The following FER variants were observed in gnomAD, a reference collection of about 807,000 sequenced individuals.
FER encodes FER tyrosine kinase.
A neutral mutation model predicts 111.0 loss-of-function variants in FER; 63 were observed. The ratio of observed to expected loss-of-function variants is 0.57; its 90% CI spans 0.46 to 0.70. The LOEUF is 0.70. Among genes scored for constraint, FER ranks in the 30% least tolerant of loss-of-function variants. The pLI, the probability that FER is intolerant of heterozygous loss-of-function variation, is 0.00. For missense variants in FER, 914 were observed against 954.0 expected (o/e 0.96, Z 0.55); for synonymous variants, 327 against 313.9 (o/e 1.04, Z -0.44).
At chr5:108,837,696 C>G (rs924011761) in intron 5 of FER, among the ~76,000 whole-genome samples, 4 of 151,982 alleles carry the variant, frequency 2.6e-5, no homozygotes, top group African/African-American at 9.7e-5. Context: ...AAAGCAAAAT[C>G]TAATTCTGAT....
At chr5:109,180,128 A>G (rs1029429373) in intron 17 of FER, among the ~76,000 whole-genome samples, 2 of 152,186 alleles carry the variant, frequency 1.3e-5, no homozygotes, top group Non-Finnish European at 2.9e-5. Flanking sequence ...TGGATGGGAT[A>G]TATTAATGAT....
At chr5:109,049,655 T>C (rs1259560741) in intron 16 of FER, among the ~76,000 whole-genome samples, 1 of 152,160 alleles carries the variant, frequency 6.6e-6, no homozygotes, top group African/African-American at 2.4e-5. Context: ...CTACATTACA[T>C]GCAGTGAAGC....
At chr5:109,093,863 G>C (rs569516961) in intron 16 of FER, among the ~76,000 whole-genome samples, 11 of 151,976 alleles carry the variant, frequency 7.2e-5, no homozygotes, top group African/African-American at 2.7e-4. Context: ...GTATTTGAAG[G>C]GTATCCTGGG....
chr5:109,072,020 A>G (rs2149996798), intron 16 of FER, among the ~76,000 whole-genome samples: 1 of 151,902 alleles, frequency 6.6e-6, no homozygotes, highest in Admixed American at 6.6e-5. Flanking sequence ...AATTCTTCAT[A>G]CAGAAATATA....
Position 108,867,785 on chromosome 5 carries a change from C to T in FER, c.500C>T (p.Ala167Val), listed in dbSNP as rs749213003. ...ALAKGKETEKAKERYDKATMK... is the reference protein window; with the variant it reads ...ALAKGKETEKVKERYDKATMK... ...TTTTCAGGGAAGGAAACTGAAAAGG[C>T]CAAGGAACGATACGACAAAGCCACA... Residue 167 changes from alanine (A) to valine (V), a missense_variant, in exon 6 of 20, where the codon GCC becomes GTC. Physicochemically the swap from Ala to Val is moderately conservative, Grantham distance 64. Transcript: ENST00000281092. 3.1e-6 allele frequency: 5 copies of T among 1,608,998 alleles called. No individual in the cohort carries two copies. The highest frequency in any genetic ancestry group is 2.5e-6 in the Non-Finnish European group (3 of 1,178,390).
chr5:109,065,059 T>C (rs533553351), intron 16 of FER, among the ~76,000 whole-genome samples: 83 of 152,296 alleles, frequency 5.4e-4, no homozygotes, highest in South Asian at 1.2e-3. Flanking sequence ...GTGAATTCAA[T>C]TGAAATAAAA....
intron 2 of FER, among the ~76,000 whole-genome samples, chr5:108,796,759 C>G (rs563320501): frequency 2.0e-5 from 3 of 152,058 alleles, no homozygotes; most frequent in African/African-American, 7.2e-5. Context: ...TGGGACTTAC[C>G]CTGCAGGGCA....
In FER at chr5:109,188,704, T is replaced by C. The variant is rs1759143397; in HGVS notation, c.*1129T>C. On this transcript the variant is annotated 3_prime_UTR_variant, in exon 20 of 20. Transcript: ENST00000281092. Reference sequence around the variant, plus strand: ...TTACCAGAAAGGTCCTAAGAAAAGTTTCAGGAGTTCGTAGAGTCCTCGTAA... The same window carrying C: ...TTACCAGAAAGGTCCTAAGAAAAGTCTCAGGAGTTCGTAGAGTCCTCGTAA... The C allele has an allele frequency of 6.6e-6, 1 of 152,188 alleles. No individual in the cohort carries two copies. The allele number at this position is 152,188 out of a possible 1,614,324, so 9.4% of individuals were successfully genotyped here. A position where few individuals can be genotyped will look rare whatever the true frequency, so the allele number is the denominator to read the frequency against.
chr5:109,140,450 A>G (rs907569135), intron 17 of FER, among the ~76,000 whole-genome samples: 7 of 152,196 alleles, frequency 4.6e-5, no homozygotes, highest in African/African-American at 1.7e-4. Flanking sequence ...GAGTATGATC[A>G]GTGGTGTGTT....
At chr5:109,063,199 C>G (rs1052907133) in intron 16 of FER, among the ~76,000 whole-genome samples, 3 of 152,050 alleles carry the variant, frequency 2.0e-5, no homozygotes, top group Admixed American at 6.5e-5. Context: ...TTTGTAATTT[C>G]TATAGTACAT....
rs555820629 is a variant in FER at position 108,935,732 on chromosome 5, C to T, written c.1237-10398C>T. Among the ~76,000 whole-genome samples, 15 of 152,082 alleles carry T rather than the reference C, an allele frequency of 9.9e-5. No homozygotes were observed. The East Asian group carries it at 1.2e-3, about 12-fold the overall frequency. ...TACTTCTCTGTGAGTCATAATATTT[C>T]GGGACTGGAAGATACTATAAAATAT... On this transcript the variant is annotated intron_variant, in intron 10 of 19. Coordinates refer to ENST00000281092, the MANE Select transcript of FER (RefSeq NM_005246.4).
chr5:109,144,504 A>G (rs1449677467), intron 17 of FER, among the ~76,000 whole-genome samples: 1 of 152,064 alleles, frequency 6.6e-6, no homozygotes, highest in Non-Finnish European at 1.5e-5. Context: ...GCCTTTTCCA[A>G]TTATCTATGT....
At chr5:109,052,965 A>C (rs561171462) in intron 16 of FER, among the ~76,000 whole-genome samples, 1 of 152,236 alleles carries the variant, frequency 6.6e-6, no homozygotes, top group African/African-American at 2.4e-5. Context: ...TTACCCATGC[A>C]TGATTTTATA....
intron 16 of FER, among the ~76,000 whole-genome samples, chr5:109,058,042 G>C (rs1374001526): frequency 6.6e-6 from 1 of 152,070 alleles, no homozygotes; most frequent in Non-Finnish European, 1.5e-5. Context: ...ATTTATCCCA[G>C]GACTGAAAGC....
chr5:108,887,466 A>G (rs1311393416), intron 9 of FER, among the ~76,000 whole-genome samples: 1 of 151,688 alleles, frequency 6.6e-6, no homozygotes, highest in Non-Finnish European at 1.5e-5. Flanking sequence ...ACAGAGTTCA[A>G]GCTTATATAA....
At chr5:109,113,931 G>C (rs577217426) in intron 17 of FER, among the ~76,000 whole-genome samples, 8 of 152,028 alleles carry the variant, frequency 5.3e-5, no homozygotes, top group African/African-American at 1.9e-4. Context: ...TGGGAAATAG[G>C]CAACAGATGA....
chr5:108,829,278 T>C (rs1362048339), intron 3 of FER, among the ~76,000 whole-genome samples: 1 of 152,180 alleles, frequency 6.6e-6, no homozygotes, highest in African/African-American at 2.4e-5. Flanking sequence ...ATTTTTTCAG[T>C]TGAAGATAGA....
chr5:108,896,833 A>C (rs1293565901), intron 9 of FER, among the ~76,000 whole-genome samples: 1 of 152,172 alleles, frequency 6.6e-6, no homozygotes, highest in Admixed American at 6.6e-5. Flanking sequence ...CTAATTTATA[A>C]TCTATTGTCT....
intron 1 of FER, among the ~76,000 whole-genome samples, chr5:108,758,088 A>C (rs1751316953): frequency 6.6e-6 from 1 of 152,238 alleles, no homozygotes. Context: ...AATAATGTAG[A>C]AATGTTCTAT....
Sources: allele counts gnomAD v4.1 joint callset (sites outside exome capture counted in the v4.1 genomes callset), GRCh38; gene constraint gnomAD v4.1.1; transcripts MANE v1.5; gene names NCBI Gene and HGNC (gene_info 2026-07-23, HGNC 2026-07-21).